IMPA2: variants seen among roughly 807,000 people sequenced by gnomAD.
The protein encoded by IMPA2 is inositol monophosphatase 2.
Under a neutral mutation model 35.1 loss-of-function variants are expected in IMPA2, and 32 were observed. The ratio of observed to expected loss-of-function variants is 0.91; its 90% CI spans 0.69 to 1.23. IMPA2 has a LOEUF of 1.23. IMPA2 is among the 50% of genes most tolerant of loss of function. The pLI is 0.00. For synonymous variants in IMPA2, 135 were observed against 160.6 expected, an observed-to-expected ratio of 0.84 and a Z score of 1.20; for missense variants, 334 against 387.6, an observed-to-expected ratio of 0.86 and a Z score of 1.16.
At chr18:11,989,308 A>G (rs558101205) in intron 1 of IMPA2, among the ~76,000 whole-genome samples, 1 of 152,304 alleles carries the variant, frequency 6.6e-6, no homozygotes, top group African/African-American at 2.4e-5. Flanking sequence ...CGCTGGAGGA[A>G]GAGGAGGCAG....
chr18:12,014,383 A>C lies in IMPA2; in HGVS notation c.490+10A>C. 1 of 1,516,612 alleles carries C rather than the reference A, an allele frequency of 6.6e-7. No individual in the cohort carries two copies. Among genetic ancestry groups the C allele is most frequent in the Non-Finnish European group, 9.0e-7 (1 of 1,112,666 alleles). The allele number at this position is 1,516,612 out of a possible 1,614,324, so 93.9% of individuals were successfully genotyped here. The stretch of plus-strand genomic sequence containing the variant: ...GTCTCCGGGGAGACAGGTGGGCTTC[A>C]CAACGCTCGTCTCAGTTTACTTCTG... On this transcript the variant is annotated intron_variant, in intron 5 of 7. Coordinates refer to ENST00000269159, the MANE Select transcript of IMPA2 (RefSeq NM_014214.3).
intron 5 of IMPA2, among the ~76,000 whole-genome samples, chr18:12,020,981 G>T (rs1907712583): frequency 6.7e-6 from 1 of 149,658 alleles, no homozygotes; most frequent in Non-Finnish European, 1.5e-5. Flanking sequence ...ACTGTTACTT[G>T]ACATTGGATT....
intron 5 of IMPA2, among the ~76,000 whole-genome samples, chr18:12,025,421 A>G (rs904668701): frequency 3.9e-5 from 6 of 152,240 alleles, no homozygotes; most frequent in Non-Finnish European, 7.3e-5. Flanking sequence ...TGGTAAGAGT[A>G]TGTTTAGATT....
chr18:11,996,965 TACAG>T (rs1295829608), intron 1 of IMPA2, among the ~76,000 whole-genome samples: 1 of 148,882 alleles, frequency 6.7e-6, no homozygotes, highest in African/African-American at 2.5e-5. Context: ...GAGATAGACA[TACAG>T]ACACACCCTG....
At chr18:11,985,968 T>TA (rs1451575465) in intron 1 of IMPA2, among the ~76,000 whole-genome samples, 3 of 152,220 alleles carry the variant, frequency 2.0e-5, no homozygotes, top group Non-Finnish European at 4.4e-5. Flanking sequence ...TTTTGCCCAT[T>TA]ACAAAAGGGG....
intron 6 of IMPA2, chr18:12,028,526 C>T (rs754858739): frequency 4.5e-6 from 2 of 449,214 alleles, no homozygotes; most frequent in Non-Finnish European, 8.0e-6. Context: ...TGCTGTGAGC[C>T]CTAGCCATGT....
chr18:12,004,388 G>T (rs185825656), intron 2 of IMPA2, among the ~76,000 whole-genome samples: 3 of 152,122 alleles, frequency 2.0e-5, no homozygotes, highest in African/African-American at 7.2e-5. Flanking sequence ...TATGCAGTAG[G>T]ATATAATATT....
At chr18:11,984,967 CAAA>C (rs34748642) in intron 1 of IMPA2, among the ~76,000 whole-genome samples, 5 of 87,752 alleles carry the variant, frequency 5.7e-5, no homozygotes, top group Non-Finnish European at 9.6e-5. Flanking sequence ...GACTCCGTCT[CAAA>C]AAAAAAAAAA....
At chr18:12,008,407 G>T (rs1404433468) in intron 2 of IMPA2, 3 of 517,782 alleles carry the variant, frequency 5.8e-6, no homozygotes, top group South Asian at 1.4e-5. Flanking sequence ...AGGCCACATA[G>T]TCATGCACAG....
chr18:12,012,257 C>T (rs1598698489), intron 4 of IMPA2, 42 bp downstream of exon 4: 2 of 1,550,792 alleles, frequency 1.3e-6, no homozygotes, highest in South Asian at 1.1e-5. Flanking sequence ...TCCCTGGGCT[C>T]CCTCTGGCCA....
Position 12,014,273 on chromosome 18 carries a change from C to T in IMPA2, c.390C>T (p.Phe130=), listed in dbSNP as rs555785311. The T allele has an allele frequency of 8.7e-6, 14 of 1,613,494 alleles. No individual in the cohort carries two copies. The East Asian group carries it at 8.9e-5, about 10-fold the overall frequency. Residue 130 remains phenylalanine (F), a synonymous_variant, in exon 5 of 8, where the codon TTC becomes TTT. Coordinates refer to ENST00000269159, the MANE Select transcript of IMPA2 (RefSeq NM_014214.3). ...IGFAVRQELE[F]GVIYHCTEER... Reference sequence around the variant, plus strand: ...GCCTCTGCCGCCCACAGCTTGAATTCGGAGTGATTTACCACTGCACAGAGG... The same window carrying T: ...GCCTCTGCCGCCCACAGCTTGAATTTGGAGTGATTTACCACTGCACAGAGG...
At chr18:11,998,126 C>G (rs1222882990) in intron 1 of IMPA2, among the ~76,000 whole-genome samples, 1 of 152,214 alleles carries the variant, frequency 6.6e-6, no homozygotes, top group Non-Finnish European at 1.5e-5. Flanking sequence ...GTGATTGTGA[C>G]ACCACACTTC....
chr18:12,028,531 C>T, intron 6 of IMPA2: 2 of 450,254 alleles, frequency 4.4e-6, no homozygotes, highest in South Asian at 7.1e-5. Context: ...TGAGCCCTAG[C>T]CATGTGAGAC....
In IMPA2 at chr18:11,991,898, C is replaced by T. The variant is rs1906825621; in HGVS notation, c.97-7156C>T. On this transcript the variant is annotated intron_variant, in intron 1 of 7. Transcript: ENST00000269159. This position sits in a 1 kb window ranked among gnomAD's most constrained non-coding sequence, Gnocchi z 4.1. ...TTGCTCTGTCTCCCAGGATGGAGTG[C>T]AGTGGCGTAATCTTGGCTCACCGCA... is the stretch of plus-strand genomic sequence containing the variant. Among the ~76,000 whole-genome samples the T allele has an allele frequency of 6.6e-6, 1 of 150,602 alleles. No individual in the cohort carries two copies. Among genetic ancestry groups the T allele is most frequent in the Non-Finnish European group, 1.5e-5 (1 of 67,902 alleles).
Position 12,030,664 on chromosome 18 carries a change from T to C in IMPA2, c.*206T>C. 1 of 573,468 alleles carries C rather than the reference T, an allele frequency of 1.7e-6. No homozygotes were observed. 35.5% of individuals were successfully genotyped at this position (573,468 alleles called of 1,614,324 possible). On this transcript the variant is annotated 3_prime_UTR_variant, in exon 8 of 8. Transcript: ENST00000269159. ...ATTTGGTGTTTAGCTGTTTCTCTCT[T>C]TAATCTCACGTAGCCTTTTTCAGGT... is the stretch of plus-strand genomic sequence containing the variant.
In IMPA2 at chr18:12,014,263, A is replaced by T; in HGVS notation, c.382-2A>T. 1 of 1,611,786 alleles carries T rather than the reference A, an allele frequency of 6.2e-7. No homozygotes were observed. On this transcript the variant is annotated splice_acceptor_variant, in intron 4 of 7. Coordinates refer to ENST00000269159, the MANE Select transcript of IMPA2 (RefSeq NM_014214.3). LOFTEE classifies it high-confidence loss of function. The stretch of plus-strand genomic sequence containing the variant: ...TTTCTGTCCTGCCTCTGCCGCCCAC[A>T]GCTTGAATTCGGAGTGATTTACCAC...
At chr18:11,998,708 C>T (rs1907026270) in intron 1 of IMPA2, among the ~76,000 whole-genome samples, 1 of 152,162 alleles carries the variant, frequency 6.6e-6, no homozygotes, top group African/African-American at 2.4e-5. Flanking sequence ...TTCAAAACCC[C>T]TGTGTTTTTC....
chr18:12,009,701 C>T (rs150666673), intron 2 of IMPA2, among the ~76,000 whole-genome samples, 182 bp from the exon 3 acceptor site: 302 of 152,248 alleles, frequency 2.0e-3, no homozygotes, highest in Middle Eastern at 0.01. Context: ...TGAGTAGGTC[C>T]GCTGGCAGGC....
intron 1 of IMPA2, among the ~76,000 whole-genome samples, chr18:11,997,644 C>T (rs935497487): frequency 2.0e-5 from 3 of 152,162 alleles, no homozygotes; most frequent in African/African-American, 4.8e-5. Flanking sequence ...TAGAATTCCC[C>T]GTGTGCTTCT....
Sources: gnomAD v4.1 joint callset for allele counts (sites outside exome capture counted in the v4.1 genomes callset) on GRCh38, gnomAD v4.1.1 for gene constraint, Gnocchi (gnomAD v3.1) non-coding constraint, MANE v1.5 for transcripts, NCBI Gene and HGNC (gene_info 2026-07-23, HGNC 2026-07-21) for gene names.